The following PTPRS variants were observed in gnomAD, a reference collection of about 807,000 sequenced individuals.
The protein encoded by PTPRS is protein tyrosine phosphatase receptor type S.
In PTPRS, 63 loss-of-function variants were observed where a neutral mutation model predicts 215.3. The ratio of observed to expected loss-of-function variants is 0.29; its 90% CI spans 0.24 to 0.36. The LOEUF (loss-of-function observed/expected upper bound fraction) is 0.36, where lower values mean the gene tolerates loss of function less well. Among genes scored for constraint, PTPRS ranks in the 10% least tolerant of loss-of-function variants. PTPRS has a pLI of 1.00. For missense variants in PTPRS, 2,258 were observed against 2,825.8 expected, an observed-to-expected ratio of 0.80 and a Z score of 4.56; for synonymous variants, 1,404 against 1,191.4, an observed-to-expected ratio of 1.18 and a Z score of -3.68.
chr19:5,291,492 G>C (rs2048813363), intron 1 of PTPRS, among the ~76,000 whole-genome samples: 1 of 152,194 alleles, frequency 6.6e-6, no homozygotes, highest in African/African-American at 2.4e-5. Context: ...GCCAAGATCT[G>C]GGGGTACCCC....
At chr19:5,238,811 C>A in intron 13 of PTPRS, 108 bp downstream of exon 13, 1 of 1,386,600 alleles carries the variant, frequency 7.2e-7, no homozygotes, top group Non-Finnish European at 9.4e-7. Flanking sequence ...CCGGGAGGCG[C>A]CCCCCACCCA....
At chr19:5,218,275 T>G in intron 25 of PTPRS, 145 bp downstream of exon 25, 2 of 708,544 alleles carry the variant, frequency 2.8e-6, no homozygotes, top group Non-Finnish European at 5.0e-6. Flanking sequence ...CATGTAGGGT[T>G]GGAGGTATTT....
intron 19 of PTPRS, among the ~76,000 whole-genome samples, 188 bp from the exon 20 acceptor site, chr19:5,221,441 A>G (rs567100170): frequency 1.1e-4 from 17 of 150,794 alleles, no homozygotes; most frequent in African/African-American, 3.9e-4. Flanking sequence ...CCCCAACCTC[A>G]CTGAACCCTG....
intron 16 of PTPRS, 105 bp from the exon 17 acceptor site, chr19:5,225,949 T>G: frequency 1.1e-6 from 1 of 913,126 alleles, no homozygotes; most frequent in Non-Finnish European, 1.8e-6. Flanking sequence ...AGGGCCCGGA[T>G]CAGGGGTGGA....
Position 5,318,293 on chromosome 19 carries a change from T to C in PTPRS, c.-95+22371A>G, listed in dbSNP as rs563757795. Among the ~76,000 whole-genome samples, 52 of 151,678 alleles carry C rather than the reference T, an allele frequency of 3.4e-4. 1 individual carries two copies. Among genetic ancestry groups the C allele is most frequent in the African/African-American group, 1.2e-3 (48 of 41,318 alleles). Reference sequence around the variant, plus strand: ...GAGGCGGAGGTTGCAGTGAGCAAGATTGTGCCACTGCATTCCAGCCTGGGC... The same window carrying C: ...GAGGCGGAGGTTGCAGTGAGCAAGACTGTGCCACTGCATTCCAGCCTGGGC... On this transcript the variant is annotated intron_variant, in intron 1 of 37. Coordinates refer to ENST00000262963, the MANE Select transcript of PTPRS (RefSeq NM_002850.4).
intron 2 of PTPRS, among the ~76,000 whole-genome samples, chr19:5,281,544 C>T (rs2047849059): frequency 2.0e-5 from 3 of 152,252 alleles, no homozygotes; most frequent in African/African-American, 7.2e-5. Flanking sequence ...CCTCCAAAGC[C>T]GACATCTTAC....
Position 5,215,141 on chromosome 19 carries a change from A to AT in PTPRS, c.4318+147dup. ...GAGAGAGCAGCCATCAGTTAAATAC[A>AT]TATCTAAAGATGCCCAGTGGCCTCC... On this transcript the variant is annotated intron_variant, in intron 28 of 37. Transcript: ENST00000262963. 11 of 1,013,086 alleles carry AT rather than the reference A, an allele frequency of 1.1e-5. 1 individual carries two copies. In the South Asian group the frequency reaches 1.7e-4, roughly 16 times the overall value. 62.8% of individuals were successfully genotyped at this position (1,013,086 alleles called of 1,614,324 possible). A position where few individuals can be genotyped will look rare whatever the true frequency, so the allele number is the denominator to read the frequency against.
intron 1 of PTPRS, among the ~76,000 whole-genome samples, chr19:5,322,235 T>C (rs574525014): frequency 2.0e-5 from 3 of 152,094 alleles, no homozygotes; most frequent in Admixed American, 1.3e-4. Flanking sequence ...CTTGCTGGAG[T>C]ATCCACAGTG....
intron 1 of PTPRS, among the ~76,000 whole-genome samples, chr19:5,312,304 C>T (rs1176600548): frequency 1.3e-5 from 2 of 152,072 alleles, no homozygotes; most frequent in South Asian, 2.1e-4. Context: ...GCAGGGACAG[C>T]GGGCATAGGA....
chr19:5,241,071 G>C (rs1469427164), intron 11 of PTPRS, among the ~76,000 whole-genome samples: 7 of 150,908 alleles, frequency 4.6e-5, no homozygotes, highest in African/African-American at 1.5e-4. Flanking sequence ...TGTATTTTTA[G>C]TAGAGACGGG....
chr19:5,216,674 C>G, intron 26 of PTPRS, 46 bp downstream of exon 26: 1 of 1,440,682 alleles, frequency 6.9e-7, no homozygotes, highest in South Asian at 1.2e-5. Context: ...AGGAAATGAA[C>G]GGGGGCGGGG....
rs199687996 is a variant in PTPRS, at chr19:5,206,250, TA to T, written c.*523del. ...TGGCGAGTCTTTTGTTTGTTTCTCT[TA>T]AAAAAAAAAATGGAAAAAAAAATAC... On this transcript the variant is annotated 3_prime_UTR_variant, in exon 38 of 38. Transcript: ENST00000262963. The T allele has an allele frequency of 3.3e-3, 701 of 210,304 alleles. No homozygotes were observed. Among genetic ancestry groups the T allele is most frequent in the Middle Eastern group, 0.01 (7 of 678 alleles). 13.0% of individuals were successfully genotyped at this position (210,304 alleles called of 1,614,324 possible). A position where few individuals can be genotyped will look rare whatever the true frequency, so the allele number is the denominator to read the frequency against.
Position 5,240,389 on chromosome 19 carries a change from G to A in PTPRS, c.1571-57C>T, listed in dbSNP as rs191098014. On this transcript the variant is annotated intron_variant, in intron 11 of 37. Coordinates refer to ENST00000262963, the MANE Select transcript of PTPRS (RefSeq NM_002850.4). ...GGGGAGCGTCCACCCCACAAAGGGG[G>A]CCCCACCTGCTGAGTGTCCCCACTA... 1,471 of 1,481,714 alleles carry A rather than the reference G, an allele frequency of 9.9e-4. 2 individuals carry two copies. Among genetic ancestry groups the A allele is most frequent in the Non-Finnish European group, 1.2e-3 (1,322 of 1,114,198 alleles). 91.8% of individuals were successfully genotyped at this position (1,481,714 alleles called of 1,614,324 possible).
intron 1 of PTPRS, among the ~76,000 whole-genome samples, chr19:5,290,408 G>A (rs2048714194): frequency 6.6e-6 from 1 of 152,342 alleles, no homozygotes; most frequent in East Asian, 1.9e-4. Context: ...GCCGCCTCTG[G>A]GGGCTCCCCC....
At chr19:5,274,771 G>C (rs2047216419) in intron 2 of PTPRS, among the ~76,000 whole-genome samples, 1 of 152,190 alleles carries the variant, frequency 6.6e-6, no homozygotes, top group African/African-American at 2.4e-5. Flanking sequence ...CCAAACCCTG[G>C]AGGGCCCTGA....
At chr19:5,219,130 CCTAGCTCTGCCATTCCCA>C in intron 23 of PTPRS, 162 bp downstream of exon 23, 2 of 842,094 alleles carry the variant, frequency 2.4e-6, no homozygotes, top group Non-Finnish European at 3.6e-6. Context: ...TGCTTTGAGC[CCTAGCTCTGCCATTCCCA>C]TGCTGTGTGA....
At chr19:5,238,295 C>G (rs1056588340) in intron 13 of PTPRS, among the ~76,000 whole-genome samples, 8 of 152,126 alleles carry the variant, frequency 5.3e-5, no homozygotes, top group Admixed American at 2.0e-4. Context: ...CGGGCCGGCA[C>G]AGCAGAGAAC....
intron 16 of PTPRS, among the ~76,000 whole-genome samples, chr19:5,227,253 T>C (rs981053826): frequency 3.3e-5 from 5 of 152,094 alleles, no homozygotes; most frequent in Non-Finnish European, 7.4e-5. Flanking sequence ...GATCTTGCCA[T>C]GTTGCCCAGG....
At position 5,258,139 on chromosome 19, in the gene PTPRS, TG is replaced by T; in HGVS notation, c.596-13del. The T allele has an allele frequency of 6.2e-7, 1 of 1,610,742 alleles. No homozygotes were observed. Among genetic ancestry groups the T allele is most frequent in the African/African-American group, 1.3e-5 (1 of 74,908 alleles). On this transcript the variant is annotated splice_polypyrimidine_tract_variant and intron_variant, in intron 7 of 37. Transcript: ENST00000262963. ...AATCTGCAGGGCTCCTGTGGGAAGA[TG>T]GGAAAAAGCTTGGTCTGTTAGAGGG...
Sources: gnomAD v4.1 joint callset for allele counts (sites outside exome capture counted in the v4.1 genomes callset) on GRCh38, gnomAD v4.1.1 for gene constraint, MANE v1.5 for transcripts, NCBI Gene and HGNC (gene_info 2026-07-23, HGNC 2026-07-21) for gene names.